CENPT: variants seen among roughly 807,000 people sequenced by gnomAD.
CENPT encodes interphase centromere complex protein 22.
CENPT carries 42 observed loss-of-function variants against 59.7 expected under a neutral mutation model. The observed-to-expected ratio is 0.70, with a 90% CI of 0.55 to 0.91. The LOEUF is 0.91. CENPT is among the 40% of genes least tolerant of loss of function. CENPT has a pLI of 0.00. For synonymous variants in CENPT, 295 were observed against 289.6 expected, an observed-to-expected ratio of 1.02 and a Z score of -0.19; for missense variants, 716 against 713.4, an observed-to-expected ratio of 1.00 and a Z score of -0.04.
chr16:67,846,568 C>G (rs2057800538), intron 1 of CENPT, among the ~76,000 whole-genome samples: 1 of 152,250 alleles, frequency 6.6e-6, no homozygotes, highest in Admixed American at 6.5e-5. Context: ...GCTGGGCCAG[C>G]TTGGGGCCGG....
At position 67,828,590 on chromosome 16, in the gene CENPT, G is replaced by A; in HGVS notation, c.1458-12C>T. On this transcript the variant is annotated splice_polypyrimidine_tract_variant and intron_variant, in intron 14 of 15. Coordinates refer to ENST00000562787, the MANE Select transcript of CENPT (RefSeq NM_025082.4). ...AATATTTATCTAGGCTGTCAAGAAG[G>A]TGGGGATAGAGCAGGCTGAACAGTC... 6.2e-7 allele frequency: 1 copy of A among 1,614,090 alleles called. No individual in the cohort carries two copies. Among genetic ancestry groups the A allele is most frequent in the Non-Finnish European group, 8.5e-7 (1 of 1,179,956 alleles).
intron 4 of CENPT, among the ~76,000 whole-genome samples, chr16:67,833,061 C>A (rs192901738): frequency 6.6e-6 from 1 of 152,190 alleles, no homozygotes; most frequent in African/African-American, 2.4e-5. Context: ...TGAATGGCTT[C>A]TCATTCCCTA....
chr16:67,832,594 G>A (rs1319539900), intron 4 of CENPT, 49 bp from the exon 5 acceptor site: 5 of 1,505,994 alleles, frequency 3.3e-6, no homozygotes, highest in Non-Finnish European at 4.6e-6. Context: ...AGGAGGGATA[G>A]AGAATATAGA....
chr16:67,829,978 G>A lies in CENPT; in HGVS notation c.973C>T (p.Pro325Ser). Residue 325 changes from proline to serine, a missense_variant, in exon 12 of 16, where the codon CCC becomes TCC. Coordinates refer to ENST00000562787, the MANE Select transcript of CENPT (RefSeq NM_025082.4). ...GCCTCTTCAACTCCATCGTGTAAGG[G>A]CTCTACTTCATCTTCTCCAGAGACA... is the stretch of plus-strand genomic sequence containing the variant. The part of the protein sequence containing the change: ...SGVSGEDEVE[P>S]LHDGVEEAEK... The A allele has an allele frequency of 1.2e-6, 2 of 1,614,192 alleles. No homozygotes were observed. Among genetic ancestry groups the A allele is most frequent in the African/African-American group, 1.3e-5 (1 of 75,036 alleles).
chr16:67,842,662 G>A lies in CENPT; in HGVS notation c.-492+4739C>T. 6.4e-7 allele frequency: 1 copy of A among 1,567,640 alleles called. No homozygotes were observed. Among genetic ancestry groups the A allele is most frequent in the South Asian group, 1.2e-5 (1 of 86,150 alleles). Reference sequence around the variant, plus strand: ...AGGACGCTGAGTTGCGGCGCCTCTGGCTCAAGAACGTGTCGCGTGCCGGCG... The same window carrying A: ...AGGACGCTGAGTTGCGGCGCCTCTGACTCAAGAACGTGTCGCGTGCCGGCG... On this transcript the variant is annotated intron_variant, in intron 1 of 15. Coordinates refer to ENST00000562787, the MANE Select transcript of CENPT (RefSeq NM_025082.4). The surrounding 1 kb of genome is among the most constrained non-coding windows in gnomAD (Gnocchi z 4.9).
At chr16:67,844,480 G>A (rs1168367061) in intron 1 of CENPT, among the ~76,000 whole-genome samples, 1 of 152,184 alleles carries the variant, frequency 6.6e-6, no homozygotes, top group Non-Finnish European at 1.5e-5. Context: ...AGGACCAACT[G>A]GTAACTAAGC....
chr16:67,842,902 ACAGCAGCAGCAGCAGCAACAGCAG>A lies in CENPT; in HGVS notation c.-492+4475_-492+4498del, dbSNP rs750882791. The A allele has an allele frequency of 2.8e-3, 4,405 of 1,583,082 alleles. 8 individuals carry two copies. Among genetic ancestry groups the A allele is most frequent in the Non-Finnish European group, 2.7e-3 (3,143 of 1,165,758 alleles). On this transcript the variant is annotated intron_variant, in intron 1 of 15. Transcript: ENST00000562787. This position sits in a 1 kb window ranked among gnomAD's most constrained non-coding sequence, Gnocchi z 4.9. ...AGCAGCAGCAGCAGCAACAGCAGCA[ACAGCAGCAGCAGCAGCAACAGCAG>A]CAGCAGCAGCAGCAGCAGCAGCAGT...
Position 67,843,733 on chromosome 16 carries a change from C to T in CENPT, c.-492+3668G>A, listed in dbSNP as rs2057780470. The T allele has an allele frequency of 2.0e-6, 1 of 493,914 alleles. No homozygotes were observed. Among genetic ancestry groups the T allele is most frequent in the Middle Eastern group, 5.4e-4 (1 of 1,836 alleles). 30.6% of individuals were successfully genotyped at this position (493,914 alleles called of 1,614,324 possible). The stretch of plus-strand genomic sequence containing the variant: ...AATTATGACTTTGTCTACCCTTCCT[C>T]CCCAGTTATTGTTGCAGATTCTGGT... On this transcript the variant is annotated intron_variant, in intron 1 of 15. Transcript: ENST00000562787. This position sits in a 1 kb window ranked among gnomAD's most constrained non-coding sequence, Gnocchi z 5.7.
At position 67,842,845 on chromosome 16, in the gene CENPT, C is replaced by T. The variant is rs761332025; in HGVS notation, c.-492+4556G>A. ...AAGTAGCGCGCAGACCCGCTGGGGC[C>T]GCGGCCGCCCGCCGCAGGCAGCAGC... is the stretch of plus-strand genomic sequence containing the variant. On this transcript the variant is annotated intron_variant, in intron 1 of 15. Transcript: ENST00000562787. This position sits in a 1 kb window ranked among gnomAD's most constrained non-coding sequence, Gnocchi z 4.9. 3.7e-6 allele frequency: 6 copies of T among 1,607,350 alleles called. No homozygotes were observed. The highest frequency in any genetic ancestry group is 5.1e-6 in the Non-Finnish European group (6 of 1,178,862).
chr16:67,830,258 G>A, intron 11 of CENPT, 132 bp downstream of exon 11: 1 of 1,277,010 alleles, frequency 7.8e-7, no homozygotes, highest in African/African-American at 1.5e-5. Context: ...CATGGACTCT[G>A]CTCTTGGATG....
In CENPT at chr16:67,843,511, G is replaced by A. The variant is rs373160715; in HGVS notation, c.-492+3890C>T. 1.3e-6 allele frequency: 2 copies of A among 1,596,026 alleles called. No homozygotes were observed. The highest frequency in any genetic ancestry group is 1.3e-5 in the African/African-American group (1 of 74,822). On this transcript the variant is annotated intron_variant, in intron 1 of 15. Coordinates refer to ENST00000562787, the MANE Select transcript of CENPT (RefSeq NM_025082.4). This position sits in a 1 kb window ranked among gnomAD's most constrained non-coding sequence, Gnocchi z 5.7. ...AGCACGGAATGTGAACTGGTGCCCC[G>A]GCAGCCTGCTGGACTCCCAGACCCC...
Position 67,828,678 on chromosome 16 carries a change from C to T in CENPT, c.1446G>A (p.Met482Ile). The T allele has an allele frequency of 1.2e-6, 2 of 1,614,212 alleles. No individual in the cohort carries two copies. Among genetic ancestry groups the T allele is most frequent in the South Asian group, 1.1e-5 (1 of 91,080 alleles). ...KMPMERKALE[M>I]VEKCLDKYFQ... ...TGCCCAGGACTCACCACTTCTCCACCATCTCAAGAGCCTTCCTCTCCATGG... is the reference window on the plus strand; with the variant it reads ...TGCCCAGGACTCACCACTTCTCCACTATCTCAAGAGCCTTCCTCTCCATGG... The change falls in exon 14 of 16, where the codon ATG becomes ATA. Residue 482 changes from methionine to isoleucine, a missense_variant. Physicochemically the swap from Met to Ile is conservative, Grantham distance 10 (BLOSUM62 1). Transcript: ENST00000562787.
At position 67,830,563 on chromosome 16, in the gene CENPT, G is replaced by A. The variant is rs375134489; in HGVS notation, c.704-15C>T. 1.9e-6 allele frequency: 3 copies of A among 1,612,672 alleles called. No individual in the cohort carries two copies. Among genetic ancestry groups the A allele is most frequent in the African/African-American group, 2.7e-5 (2 of 74,844 alleles). ...CAACACAATGTCTGTGGGCAGAGTAGTAACAGGTTCTGAGGCTGTCACCTG... is the reference window on the plus strand; with the variant it reads ...CAACACAATGTCTGTGGGCAGAGTAATAACAGGTTCTGAGGCTGTCACCTG... On this transcript the variant is annotated splice_polypyrimidine_tract_variant and intron_variant, in intron 10 of 15. Coordinates refer to ENST00000562787, the MANE Select transcript of CENPT (RefSeq NM_025082.4).
rs1671470454 is a variant in CENPT at position 67,847,632 on chromosome 16, G to A, written c.-723C>T. The A allele has an allele frequency of 6.6e-6, 1 of 152,458 alleles. No individual in the cohort carries two copies. The highest frequency in any genetic ancestry group is 2.4e-5 in the African/African-American group (1 of 41,482). The allele number at this position is 152,458 out of a possible 1,614,324, so 9.4% of individuals were successfully genotyped here. A position where few individuals can be genotyped will look rare whatever the true frequency, so the allele number is the denominator to read the frequency against. ...GTTCTCGCAGGGAGGGCAGGGTCAGGGAATATGAGGCGGGAGGGGATTCCA... is the reference window on the plus strand; with the variant it reads ...GTTCTCGCAGGGAGGGCAGGGTCAGAGAATATGAGGCGGGAGGGGATTCCA... On this transcript the variant is annotated 5_prime_UTR_variant, in exon 1 of 16. Coordinates refer to ENST00000562787, the MANE Select transcript of CENPT (RefSeq NM_025082.4).
In CENPT at chr16:67,829,485, C is replaced by T. The variant is rs1425567775; in HGVS notation, c.1218G>A (p.Glu406=). ...GATGATGTCGCCTGGCCTGGAGAGA[C>T]TCAGGGGTGCTGGAGGCCGACTCTG... ...ASPESASSTP[E]SLQARRHHQF... The change falls in exon 13 of 16, where the codon GAG becomes GAA. Residue 406 remains glutamate (E), a synonymous_variant. Transcript: ENST00000562787. The T allele has an allele frequency of 6.3e-7, 1 of 1,593,008 alleles. No homozygotes were observed. Among genetic ancestry groups the T allele is most frequent in the African/African-American group, 1.4e-5 (1 of 73,274 alleles).
chr16:67,840,112 C>T (rs1011699597), intron 1 of CENPT, among the ~76,000 whole-genome samples: 10 of 151,856 alleles, frequency 6.6e-5, no homozygotes, highest in South Asian at 2.1e-4. Context: ...GTCAGGAGAT[C>T]GAGACCATCC....
rs2057777434 is a variant in CENPT at position 67,843,204 on chromosome 16, G to C, written c.-492+4197C>G. ...TCGGAGTTACAGGCTGCTACCGCAG[G>C]GCTGGAGGCTGCCGAGTGCCCTATG... On this transcript the variant is annotated intron_variant, in intron 1 of 15. Transcript: ENST00000562787. This position sits in a 1 kb window ranked among gnomAD's most constrained non-coding sequence, Gnocchi z 5.7. 6.2e-7 allele frequency: 1 copy of C among 1,611,656 alleles called. No homozygotes were observed. Among genetic ancestry groups the C allele is most frequent in the East Asian group, 2.2e-5 (1 of 44,878 alleles).
At chr16:67,840,273 G>C (rs1256685343) in intron 1 of CENPT, among the ~76,000 whole-genome samples, 1 of 152,140 alleles carries the variant, frequency 6.6e-6, no homozygotes, top group East Asian at 1.9e-4. Flanking sequence ...AGCTGAGATC[G>C]CGCCACTGCC....
chr16:67,842,641 C>T lies in CENPT; in HGVS notation c.-492+4760G>A. On this transcript the variant is annotated intron_variant, in intron 1 of 15. Transcript: ENST00000562787. The surrounding 1 kb of genome is among the most constrained non-coding windows in gnomAD (Gnocchi z 4.9). ...TGCACTTCTACACGTTTCCAAAGGACGCTGAGTTGCGGCGCCTCTGGCTCA... is the reference window on the plus strand; with the variant it reads ...TGCACTTCTACACGTTTCCAAAGGATGCTGAGTTGCGGCGCCTCTGGCTCA... 1.3e-6 allele frequency: 2 copies of T among 1,554,946 alleles called. No individual in the cohort carries two copies. Among genetic ancestry groups the T allele is most frequent in the African/African-American group, 1.4e-5 (1 of 73,306 alleles).
Sources: gnomAD v4.1 joint callset for allele counts (sites outside exome capture counted in the v4.1 genomes callset) on GRCh38, gnomAD v4.1.1 for gene constraint, Gnocchi (gnomAD v3.1) non-coding constraint, MANE v1.5 for transcripts, NCBI Gene and HGNC (gene_info 2026-07-23, HGNC 2026-07-21) for gene names.